EPB41L3: variants seen among roughly 807,000 people sequenced by gnomAD.
The protein encoded by EPB41L3 is band 4.1-like protein 3.
EPB41L3 carries 57 observed loss-of-function variants against 127.1 expected under a neutral mutation model. The ratio of observed to expected loss-of-function variants is 0.45; its 90% CI spans 0.36 to 0.56. The LOEUF (loss-of-function observed/expected upper bound fraction) is 0.56. EPB41L3 is among the 20% of genes least tolerant of loss of function. The pLI, the probability that EPB41L3 is intolerant of heterozygous loss-of-function variation, is 0.00. For synonymous variants in EPB41L3, 572 were observed against 549.5 expected, an observed-to-expected ratio of 1.04 and a Z score of -0.57; for missense variants, 1,273 against 1,372.2, an observed-to-expected ratio of 0.93 and a Z score of 1.14.
intron 1 of EPB41L3, among the ~76,000 whole-genome samples, chr18:5,621,778 T>G (rs2094865460): frequency 6.6e-6 from 1 of 152,212 alleles, no homozygotes; most frequent in Non-Finnish European, 1.5e-5. Flanking sequence ...CCTGTCCATT[T>G]GAAAACATGA....
chr18:5,404,431 G>A (rs1357507174), intron 16 of EPB41L3, among the ~76,000 whole-genome samples: 2 of 152,188 alleles, frequency 1.3e-5, no homozygotes, highest in African/African-American at 2.4e-5. Flanking sequence ...CCATTCTGCA[G>A]AGGGCATGTT....
chr18:5,594,773 A>G (rs936208766), intron 3 of EPB41L3, among the ~76,000 whole-genome samples: 1 of 152,244 alleles, frequency 6.6e-6, no homozygotes, highest in Non-Finnish European at 1.5e-5. Context: ...GATTTGATCA[A>G]GTTGGAAAAC....
chr18:5,536,162 G>A (rs2093565829), intron 1 of EPB41L3, among the ~76,000 whole-genome samples: 1 of 151,988 alleles, frequency 6.6e-6, no homozygotes, highest in Admixed American at 6.6e-5. Context: ...GGAAATCTAT[G>A]GTGAAAATTT....
At chr18:5,399,165 C>G (rs1246394796) in intron 16 of EPB41L3, 1 of 398,936 alleles carries the variant, frequency 2.5e-6, no homozygotes, top group African/African-American at 2.1e-5. Context: ...ATAGGATTTT[C>G]CTAGAGTGTA....
chr18:5,612,022 C>T (rs1042021164), intron 3 of EPB41L3, among the ~76,000 whole-genome samples: 13 of 151,424 alleles, frequency 8.6e-5, no homozygotes, highest in Admixed American at 6.6e-4. Flanking sequence ...GTAATTCTAC[C>T]GAACTGTACA....
chr18:5,462,681 T>G (rs1271350988), intron 3 of EPB41L3, among the ~76,000 whole-genome samples: 1 of 152,088 alleles, frequency 6.6e-6, no homozygotes. Flanking sequence ...ACTTCAAAGG[T>G]TAGTATCCCC....
rs1335814294 is a variant in EPB41L3, at chr18:5,394,477, T to A, written c.*6+200A>T. 3.2e-5 allele frequency: 17 copies of A among 528,220 alleles called. No homozygotes were observed. The East Asian group carries it at 5.0e-4, about 16-fold the overall frequency. 32.7% of individuals were successfully genotyped at this position (528,220 alleles called of 1,614,324 possible). Reference sequence around the variant, plus strand: ...TCTTCCTTTATCCTCTAACTGGCAGTGCATGCAAAAACTCCACAAGAATGG... The same window carrying A: ...TCTTCCTTTATCCTCTAACTGGCAGAGCATGCAAAAACTCCACAAGAATGG... On this transcript the variant is annotated intron_variant, in intron 22 of 22. Coordinates refer to ENST00000341928, the MANE Select transcript of EPB41L3 (RefSeq NM_012307.5).
chr18:5,437,063 G>A (rs2079956304), intron 6 of EPB41L3, among the ~76,000 whole-genome samples: 1 of 152,166 alleles, frequency 6.6e-6, no homozygotes, highest in South Asian at 2.1e-4. Context: ...AAGAGAGTAG[G>A]GGTTCTAAGG....
At chr18:5,394,821 G>A (rs754220644) in intron 21 of EPB41L3, 28 bp from the exon 22 acceptor site, 2 of 1,602,942 alleles carry the variant, frequency 1.2e-6, no homozygotes, top group Non-Finnish European at 1.7e-6. Context: ...CAGAAGGGCA[G>A]AAACAAAAAG....
chr18:5,505,757 C>T (rs867431587), intron 1 of EPB41L3, among the ~76,000 whole-genome samples: 65 of 139,214 alleles, frequency 4.7e-4, no homozygotes, highest in African/African-American at 1.7e-3. Flanking sequence ...TCCACCCCTT[C>T]CCTCCACACC....
rs2085621444 is a variant in EPB41L3, at chr18:5,469,291, A to G, written c.381+8950T>C. On this transcript the variant is annotated intron_variant, in intron 3 of 22. Transcript: ENST00000341928. Reference sequence around the variant, plus strand: ...CTTTGGGGGGTCTGTGGTTTCTGGCATCTCCAAGCTTCCGGGTGTCACTGC... The same window carrying G: ...CTTTGGGGGGTCTGTGGTTTCTGGCGTCTCCAAGCTTCCGGGTGTCACTGC... 5.9e-5 allele frequency among the ~76,000 whole-genome samples: 9 copies of G among 152,322 alleles called. No homozygotes were observed. In the South Asian group the frequency reaches 1.9e-3, roughly 32 times the overall value.
At chr18:5,568,404 T>C (rs531220644) in intron 3 of EPB41L3, among the ~76,000 whole-genome samples, 1 of 147,792 alleles carries the variant, frequency 6.8e-6, no homozygotes, top group East Asian at 2.0e-4. Flanking sequence ...TTCTCTATGG[T>C]TTCTACCAAT....
chr18:5,524,917 C>A (rs766960708), intron 1 of EPB41L3, among the ~76,000 whole-genome samples: 18 of 152,144 alleles, frequency 1.2e-4, no homozygotes, highest in Admixed American at 9.2e-4. Flanking sequence ...AGGAGCAGTT[C>A]TCCAAAGCAA....
intron 1 of EPB41L3, among the ~76,000 whole-genome samples, chr18:5,509,502 A>G (rs1049885263): frequency 1.6e-4 from 24 of 152,356 alleles, no homozygotes; most frequent in Middle Eastern, 6.8e-3. Context: ...TTGGTACTTT[A>G]GAATCACACT....
chr18:5,625,483 G>A (rs150390028), intron 1 of EPB41L3, among the ~76,000 whole-genome samples: 9 of 152,272 alleles, frequency 5.9e-5, no homozygotes, highest in East Asian at 1.9e-4. Context: ...GTGGTCCTAC[G>A]GTAAGGGAGG....
At chr18:5,520,695 A>C (rs1286333413) in intron 1 of EPB41L3, among the ~76,000 whole-genome samples, 2 of 152,216 alleles carry the variant, frequency 1.3e-5, no homozygotes, top group African/African-American at 4.8e-5. Flanking sequence ...TGCTATCATG[A>C]GGGGATCATT....
chr18:5,629,572 G>A (rs1599429683), upstream of EPB41L3, among the ~76,000 whole-genome samples: 2 of 152,280 alleles, frequency 1.3e-5, no homozygotes, highest in East Asian at 3.9e-4. Flanking sequence ...CCTCATCTGC[G>A]AGGTTCGCAC....
At chr18:5,484,086 CAAAAAAAAAAAAAA>C (rs57231548) in intron 2 of EPB41L3, among the ~76,000 whole-genome samples, 123 of 18,248 alleles carry the variant, frequency 6.7e-3, no homozygotes, top group South Asian at 0.016. Flanking sequence ...CAAACAAACT[CAAAAAAAAAAAAAA>C]AAAAAAAAAA....
intron 3 of EPB41L3, chr18:5,577,314 A>G (rs2094345861): frequency 2.2e-6 from 1 of 451,988 alleles, no homozygotes; most frequent in Admixed American, 2.4e-5. Flanking sequence ...TAATGTTAGC[A>G]ATCCGAAAAT....
Sources: allele counts gnomAD v4.1 joint callset (sites outside exome capture counted in the v4.1 genomes callset), GRCh38; gene constraint gnomAD v4.1.1; transcripts MANE v1.5; gene names NCBI Gene and HGNC (gene_info 2026-07-23, HGNC 2026-07-21).